Variants in MED16 observed in about 807,000 individuals in gnomAD.
The protein encoded by MED16 is mediator complex subunit 16.
MED16 carries 81 observed loss-of-function variants against 84.4 expected under a neutral mutation model. The ratio of observed to expected loss-of-function variants is 0.96; its 90% confidence interval spans 0.80 to 1.15. The LOEUF is 1.15. Among genes scored for constraint, MED16 ranks in the 50% most tolerant of loss-of-function variants. The pLI is 0.00. For missense variants in MED16, 1,585 were observed against 1,245.9 expected, an observed-to-expected ratio of 1.27 and a Z score of -4.10; for synonymous variants, 897 against 552.2, an observed-to-expected ratio of 1.62 and a Z score of -8.76.
At chr19:868,284 GA>G (rs2035963263) in intron 15 of MED16, 33 bp from the exon 16 acceptor site, 2 of 1,589,312 alleles carry the variant, frequency 1.3e-6, no homozygotes, top group Non-Finnish European at 8.5e-7. Context: ...CCGCGCCGAG[GA>G]GAGTCCAGGG....
chr19:879,101 C>A (rs1313772066), intron 8 of MED16, among the ~76,000 whole-genome samples: 1 of 142,988 alleles, frequency 7.0e-6, no homozygotes, highest in Admixed American at 6.8e-5. Context: ...AGCAGCTCGC[C>A]TTCCCCTGGT....
chr19:870,630 C>T (rs936273770), intron 13 of MED16, among the ~76,000 whole-genome samples: 2 of 149,650 alleles, frequency 1.3e-5, no homozygotes, highest in Non-Finnish European at 1.5e-5. Context: ...GGGGGTGGTT[C>T]GTGACACAGC....
rs547132100 is a variant in MED16, at chr19:892,006, C to T, written c.-18-857G>A. The stretch of plus-strand genomic sequence containing the variant: ...GTGGCCGAGGCGGGGCTGAGTGTGA[C>T]GGGGAACACCTGTGGCCGAGGCGGG... On this transcript the variant is annotated intron_variant, in intron 1 of 15. Coordinates refer to ENST00000325464, the MANE Select transcript of MED16 (RefSeq NM_005481.3). Among the ~76,000 whole-genome samples, 705 of 132,272 alleles carry T rather than the reference C, an allele frequency of 5.3e-3. 15 individuals carry two copies. The highest frequency in any genetic ancestry group is 8.9e-3 in the Non-Finnish European group (556 of 62,460). The allele number at this position is 132,272 out of a possible 152,430, so 86.8% of individuals were successfully genotyped here.
At position 891,142 on chromosome 19, in the gene MED16, A is replaced by G. The variant is rs575880288; in HGVS notation, c.-11T>C. ...CCGCAAATCACACATGAGGGCAGTC[A>G]CCAGCTCCTGCGGGAGGGAGGTGTG... On this transcript the variant is annotated 5_prime_UTR_variant, in exon 2 of 16. Transcript: ENST00000325464. The G allele has an allele frequency of 6.2e-7, 1 of 1,608,762 alleles. No individual in the cohort carries two copies. The highest frequency in any genetic ancestry group is 1.3e-5 in the African/African-American group (1 of 74,946).
At chr19:877,724 A>G (rs1480465726) in intron 8 of MED16, among the ~76,000 whole-genome samples, 2 of 81,128 alleles carry the variant, frequency 2.5e-5, no homozygotes, top group Non-Finnish European at 4.9e-5. Context: ...CCCCTGCCCC[A>G]CGTGCCCCAG....
chr19:875,798 C>T (rs1302764098), intron 9 of MED16, among the ~76,000 whole-genome samples: 1 of 152,128 alleles, frequency 6.6e-6, no homozygotes, highest in Non-Finnish European at 1.5e-5. Flanking sequence ...AGAGGCTGCT[C>T]CAGCCCCCGA....
intron 8 of MED16, among the ~76,000 whole-genome samples, chr19:877,790 C>G: frequency 9.1e-6 from 1 of 109,636 alleles, no homozygotes; most frequent in Non-Finnish European, 1.9e-5. Flanking sequence ...AGCCCCAGCC[C>G]CAGCCCCACG....
intron 8 of MED16, among the ~76,000 whole-genome samples, chr19:878,426 A>G (rs1055304286): frequency 7.2e-5 from 3 of 41,764 alleles, no homozygotes; most frequent in African/African-American, 3.8e-4. Context: ...AATGTCCACC[A>G]GCCCCAGCCC....
chr19:869,407 C>T (rs2035994266), intron 13 of MED16, among the ~76,000 whole-genome samples: 1 of 151,410 alleles, frequency 6.6e-6, no homozygotes, highest in Non-Finnish European at 1.5e-5. Flanking sequence ...CAAAAGCTGC[C>T]CTCGGTGGTG....
At chr19:883,426 G>A (rs1371151393) in intron 6 of MED16, among the ~76,000 whole-genome samples, 3 of 148,474 alleles carry the variant, frequency 2.0e-5, no homozygotes, top group East Asian at 3.9e-4. Flanking sequence ...CGGTGGGCAC[G>A]TGGGGCGGTG....
At position 876,958 on chromosome 19, in the gene MED16, T is replaced by G. The variant is rs199827624; in HGVS notation, c.1560+16A>C. ...CCCCCACCTGCCACGGGGCCCCACC[T>G]GCCACGGGCCCCCACCTGCTGCAGG... On this transcript the variant is annotated intron_variant, in intron 9 of 15. Coordinates refer to ENST00000325464, the MANE Select transcript of MED16 (RefSeq NM_005481.3). The G allele has an allele frequency of 7.5e-4, 1,197 of 1,603,406 alleles. 9 individuals carry two copies. The African/African-American group carries it at 0.014, about 19-fold the overall frequency.
intron 7 of MED16, among the ~76,000 whole-genome samples, chr19:881,224 A>G (rs1341106212): frequency 6.6e-6 from 1 of 152,232 alleles, no homozygotes; most frequent in African/African-American, 2.4e-5. Context: ...TCAGGACCAC[A>G]TTATGGCTGC....
rs776344333 is a variant in MED16, at chr19:890,279, A to G, written c.170-35T>C. ...CGGGGCATGGTCAGCACGGCCTGGC[A>G]CCACAGCCTGCAGACGATGACGATG... is the stretch of plus-strand genomic sequence containing the variant. On this transcript the variant is annotated intron_variant, in intron 2 of 15. Transcript: ENST00000325464. 1.2e-5 allele frequency: 17 copies of G among 1,400,192 alleles called. 1 individual carries two copies. The South Asian group carries it at 2.2e-4, about 18-fold the overall frequency. 86.7% of individuals were successfully genotyped at this position (1,400,192 alleles called of 1,614,324 possible). A position where few individuals can be genotyped will look rare whatever the true frequency, so the allele number is the denominator to read the frequency against.
In MED16 at chr19:871,994, G is replaced by C. The variant is rs1334940919; in HGVS notation, c.2030C>G (p.Thr677Arg). 3.1e-6 allele frequency: 5 copies of C among 1,608,558 alleles called. No homozygotes were observed. The African/African-American group carries it at 4.0e-5, about 13-fold the overall frequency. Residue 677 changes from threonine to arginine, a missense_variant, in exon 12 of 16, where the codon ACG becomes AGG. Thr to Arg is a moderately conservative substitution (Grantham distance 71). Transcript: ENST00000325464. ...GCTGTCCTGGGTATCCGAGGTGGCC[G>C]TATACACGGGCAGGCAGCTGGGCTT... is the stretch of plus-strand genomic sequence containing the variant. Reference protein sequence around the residue: ...LLKPSCLPVYTATSDTQDSMS... With the variant: ...LLKPSCLPVYRATSDTQDSMS...
intron 1 of MED16, 194 bp downstream of exon 1, chr19:892,892 C>T (rs1274780665): frequency 8.1e-4 from 17 of 20,968 alleles, no homozygotes; most frequent in East Asian, 5.5e-3. Flanking sequence ...GCCCCGCGCC[C>T]CGCGCCCCGC....
At position 872,983 on chromosome 19, in the gene MED16, GGGGGA is replaced by G. The variant is rs1568321010; in HGVS notation, c.1905+461_1905+465del. 5.9e-5 allele frequency: 11 copies of G among 185,314 alleles called. 2 individuals carry two copies. Among genetic ancestry groups the G allele is most frequent in the African/African-American group, 4.6e-4 (9 of 19,688 alleles). The allele number at this position is 185,314 out of a possible 1,614,324, so 11.5% of individuals were successfully genotyped here. ...CCGAGGTGGGGCAGGGCTCCGAGGT[GGGGGA>G]GGGCTCCGAGGTGGGGGAGGGCTCC... On this transcript the variant is annotated intron_variant, in intron 11 of 15. Coordinates refer to ENST00000325464, the MANE Select transcript of MED16 (RefSeq NM_005481.3).
At chr19:880,594 GAA>G (rs2036400207) in intron 7 of MED16, among the ~76,000 whole-genome samples, 1 of 152,186 alleles carries the variant, frequency 6.6e-6, no homozygotes. Context: ...AAAGCTCATG[GAA>G]AAGAGAATAT....
chr19:886,275 C>A, intron 4 of MED16, 74 bp from the exon 5 acceptor site: 1 of 1,314,852 alleles, frequency 7.6e-7, no homozygotes, highest in Non-Finnish European at 1.0e-6. Flanking sequence ...CAGAAACACG[C>A]GCACAGAAGA....
chr19:891,135 G>T lies in MED16; in HGVS notation c.-4C>A. On this transcript the variant is annotated 5_prime_UTR_variant, in exon 2 of 16. Coordinates refer to ENST00000325464, the MANE Select transcript of MED16 (RefSeq NM_005481.3). ...CTGGCCGCCGCAAATCACACATGAG[G>T]GCAGTCACCAGCTCCTGCGGGAGGG... The T allele has an allele frequency of 6.2e-7, 1 of 1,610,980 alleles. No homozygotes were observed. Among genetic ancestry groups the T allele is most frequent in the Non-Finnish European group, 8.5e-7 (1 of 1,178,316 alleles).
Sources: gnomAD v4.1 joint callset for allele counts (sites outside exome capture counted in the v4.1 genomes callset) on GRCh38, gnomAD v4.1.1 for gene constraint, MANE v1.5 for transcripts, NCBI Gene and HGNC (gene_info 2026-07-23, HGNC 2026-07-21) for gene names.